Variants in AUTS2 observed in about 807,000 individuals in gnomAD.
The protein encoded by AUTS2 is autism susceptibility gene 2 protein.
A neutral mutation model predicts 112.4 loss-of-function variants in AUTS2; 17 were observed. The ratio of observed to expected loss-of-function variants is 0.15; its 90% CI spans 0.10 to 0.23. The LOEUF is 0.23. Ranked by LOEUF, AUTS2 falls within the 10% of genes least tolerant of loss-of-function variation. The probability of loss-of-function intolerance (pLI) is 1.00; values close to 1 mark genes in which losing one functional copy is unlikely to be tolerated. For synonymous variants in AUTS2, 751 were observed against 702.7 expected, an observed-to-expected ratio of 1.07 and a Z score of -1.09; for missense variants, 1,510 against 1,701.6, an observed-to-expected ratio of 0.89 and a Z score of 1.98.
At chr7:70,338,835 TATTTATTTA>T (rs1791116826) in intron 4 of AUTS2, among the ~76,000 whole-genome samples, 2 of 111,464 alleles carry the variant, frequency 1.8e-5, no homozygotes, top group Admixed American at 1.6e-4. Flanking sequence ...CCTCATCTCT[TATTTATTTA>T]TTTATTTATT....
intron 6 of AUTS2, among the ~76,000 whole-genome samples, chr7:70,733,111 AG>A (rs1391200640): frequency 7.2e-5 from 11 of 152,354 alleles, no homozygotes; most frequent in Admixed American, 7.2e-4. Flanking sequence ...TTTACACCCT[AG>A]ATTTTTAATG....
chr7:70,031,958 TA>T (rs1409786116), intron 2 of AUTS2, among the ~76,000 whole-genome samples: 1 of 152,176 alleles, frequency 6.6e-6, no homozygotes, highest in African/African-American at 2.4e-5. Context: ...TGAAAGCTGC[TA>T]CTTTTGGTAT....
chr7:70,684,330 C>T (rs988299075), intron 5 of AUTS2, among the ~76,000 whole-genome samples: 1 of 152,182 alleles, frequency 6.6e-6, no homozygotes, highest in African/African-American at 2.4e-5. Context: ...AACCACAAAA[C>T]CTGGGAAGGT....
At chr7:69,667,900 T>G (rs1796143715) in intron 1 of AUTS2, among the ~76,000 whole-genome samples, 1 of 152,186 alleles carries the variant, frequency 6.6e-6, no homozygotes, top group Non-Finnish European at 1.5e-5. Context: ...ATGTGTATAC[T>G]TCTGTTCATC....
At chr7:70,187,775 CTTTTTTTTTTT>C (rs71077627) in intron 4 of AUTS2, among the ~76,000 whole-genome samples, 3 of 110,308 alleles carry the variant, frequency 2.7e-5, no homozygotes, top group Non-Finnish European at 3.6e-5. Flanking sequence ...AACTAGTCTT[CTTTTTTTTTTT>C]TTTTTTTTTT....
Position 69,908,243 on chromosome 7 carries a change from C to T in AUTS2, c.522+8745C>T, listed in dbSNP as rs149411068. ...CACACCCCTTGCTGTACTTAACCCT[C>T]AGTCCCATTAGACCTGCTTTGCCAC... On this transcript the variant is annotated intron_variant, in intron 2 of 18. Transcript: ENST00000342771. Among the ~76,000 whole-genome samples the T allele has an allele frequency of 2.3e-3, 350 of 152,312 alleles. 1 individual carries two copies. Among genetic ancestry groups the T allele is most frequent in the African/African-American group, 7.9e-3 (327 of 41,558 alleles).
intron 2 of AUTS2, among the ~76,000 whole-genome samples, chr7:69,916,073 T>G (rs193039763): frequency 3.9e-5 from 6 of 152,212 alleles, no homozygotes; most frequent in African/African-American, 1.4e-4. Context: ...TGATGGGAGA[T>G]TGAACAATTA....
intron 1 of AUTS2, among the ~76,000 whole-genome samples, chr7:69,635,528 C>G (rs1164346711): frequency 1.3e-5 from 2 of 152,200 alleles, no homozygotes. Flanking sequence ...CATGAATGCT[C>G]TAGCCCTGCA....
intron 2 of AUTS2, among the ~76,000 whole-genome samples, chr7:70,092,225 TG>T (rs1176620802): frequency 1.3e-5 from 2 of 152,164 alleles, no homozygotes; most frequent in African/African-American, 4.8e-5. Flanking sequence ...AGATTTCTCA[TG>T]TTAGGCATAT....
intron 1 of AUTS2, among the ~76,000 whole-genome samples, chr7:69,827,343 C>T (rs1791293902): frequency 6.6e-6 from 1 of 152,080 alleles, no homozygotes; most frequent in Non-Finnish European, 1.5e-5. Flanking sequence ...GGTTTTTGTA[C>T]TCAAGAGCTC....
intron 1 of AUTS2, among the ~76,000 whole-genome samples, chr7:69,776,441 T>C (rs747061109): frequency 2.0e-5 from 3 of 152,174 alleles, no homozygotes; most frequent in Non-Finnish European, 4.4e-5. Context: ...TTAGAGATAG[T>C]GTCTCAGTCT....
intron 5 of AUTS2, among the ~76,000 whole-genome samples, chr7:70,630,032 AT>A (rs1477264039): frequency 6.6e-6 from 1 of 152,174 alleles, no homozygotes; most frequent in East Asian, 1.9e-4. Flanking sequence ...TCATCTTTCC[AT>A]TCCTGCCCCC....
In AUTS2 at chr7:69,899,392, A is replaced by G; in HGVS notation, c.416A>G (p.Lys139Arg). ...AATGGCTTGTCCTTTCATTCAAAGA[A>G]GAGCAGACTCAGCCACCCACACCAC... ...LTNGLSFHSKKSRLSHPHHYS... is the reference protein window; with the variant it reads ...LTNGLSFHSKRSRLSHPHHYS... The change falls in exon 2 of 19, where the codon AAG becomes AGG. Residue 139 changes from lysine to arginine, a missense_variant. Physicochemically the swap from Lys to Arg is conservative, Grantham distance 26. Around this residue, in one of 3 missense-constraint regions of AUTS2, gnomAD observed 535 missense variants for 594.3 expected, o/e 0.90. Transcript: ENST00000342771. 3 of 1,614,074 alleles carry G rather than the reference A, an allele frequency of 1.9e-6. No homozygotes were observed. In the South Asian group the frequency reaches 3.3e-5, roughly 18 times the overall value.
chr7:70,465,262 G>A (rs796607491), intron 5 of AUTS2, among the ~76,000 whole-genome samples: 10 of 152,306 alleles, frequency 6.6e-5, no homozygotes, highest in African/African-American at 2.4e-4. Context: ...TAGTGACATG[G>A]TTTGGAGAGG....
chr7:70,064,288 G>C (rs1452697851), intron 2 of AUTS2, among the ~76,000 whole-genome samples: 1 of 152,094 alleles, frequency 6.6e-6, no homozygotes, highest in African/African-American at 2.4e-5. Flanking sequence ...ACTGTGACCC[G>C]ACTAGTCAGA....
chr7:69,852,662 A>T (rs866547659), intron 1 of AUTS2, among the ~76,000 whole-genome samples: 45 of 152,308 alleles, frequency 3.0e-4, no homozygotes, highest in African/African-American at 1.0e-3. Flanking sequence ...CATGTTGGCC[A>T]GGCTGGTCTT....
chr7:69,921,327 G>GTTTTTTTTTTTTTTTTTT, intron 2 of AUTS2, among the ~76,000 whole-genome samples: 1 of 90,404 alleles, frequency 1.1e-5, no homozygotes, highest in Non-Finnish European at 2.2e-5. Context: ...TAGACTTGAA[G>GTTTTTTTTTTTTTTTTTT]TTTTTTTTTT....
chr7:70,675,198 A>C (rs1022548511), intron 5 of AUTS2, among the ~76,000 whole-genome samples: 2 of 152,210 alleles, frequency 1.3e-5, no homozygotes, highest in Non-Finnish European at 2.9e-5. Context: ...TCCGTATTTC[A>C]GAAATGTTTG....
intron 5 of AUTS2, among the ~76,000 whole-genome samples, chr7:70,519,520 G>A (rs1193067231): frequency 6.6e-6 from 1 of 152,160 alleles, no homozygotes; most frequent in Non-Finnish European, 1.5e-5. Flanking sequence ...ATAAAACCCA[G>A]TTAGAATTTA....
Sources: allele counts gnomAD v4.1 joint callset (sites outside exome capture counted in the v4.1 genomes callset), GRCh38; gene constraint gnomAD v4.1.1; regional missense constraint gnomAD v4.1.1; transcripts MANE v1.5; gene names NCBI Gene and HGNC (gene_info 2026-07-23, HGNC 2026-07-21).